LPCAT2: variants seen among roughly 807,000 people sequenced by gnomAD.
LPCAT2 encodes the protein lysophosphatidylcholine acyltransferase 2, also known as 1-AGP acyltransferase 11.
Under a neutral mutation model 64.7 loss-of-function variants are expected in LPCAT2, and 58 were observed. The ratio of observed to expected loss-of-function variants is 0.90; its 90% CI spans 0.73 to 1.12. The LOEUF is 1.12. LPCAT2 is among the 50% of genes most tolerant of loss of function. The probability of loss-of-function intolerance (pLI) is 0.00; values close to 1 mark genes in which losing one functional copy is unlikely to be tolerated. For missense variants in LPCAT2, 579 were observed against 669.8 expected, an observed-to-expected ratio of 0.86 and a Z score of 1.50; for synonymous variants, 252 against 245.3, an observed-to-expected ratio of 1.03 and a Z score of -0.26.
chr16:55,552,465 ATACT>A (rs1235685321), intron 11 of LPCAT2, among the ~76,000 whole-genome samples: 1 of 152,196 alleles, frequency 6.6e-6, no homozygotes, highest in African/African-American at 2.4e-5. Context: ...ACTTGGGTAA[ATACT>A]TAAGAGTAAG....
intron 5 of LPCAT2, 43 bp from the exon 6 acceptor site, chr16:55,532,770 CATAAAACTTTT>C: frequency 2.5e-6 from 3 of 1,199,714 alleles, no homozygotes; most frequent in Non-Finnish European, 3.7e-6. Flanking sequence ...TTCTCTTTAT[CATAAAACTTTT>C]ATTCACATAA....
Position 55,525,521 on chromosome 16 carries a change from G to T in LPCAT2, c.185G>T (p.Gly62Val). ...TTTGACTTTCAGATTGTCCTTCTTG[G>T]GATTATCTTGCTTCCAATTCGTGTC... is the stretch of plus-strand genomic sequence containing the variant. ...SARRVQIVLL[G>V]IILLPIRVLL... The change falls in exon 2 of 14, where the codon GGG (glycine) becomes GTG (valine). Residue 62 changes from glycine to valine, a missense_variant. Gly to Val is a moderately radical substitution (Grantham distance 109). Transcript: ENST00000262134. 1.2e-6 allele frequency: 2 copies of T among 1,601,954 alleles called. No homozygotes were observed. The highest frequency in any genetic ancestry group is 1.7e-6 in the Non-Finnish European group (2 of 1,174,534).
At chr16:55,556,315 G>C (rs1267657498) in intron 11 of LPCAT2, among the ~76,000 whole-genome samples, 1 of 152,142 alleles carries the variant, frequency 6.6e-6, no homozygotes, top group Non-Finnish European at 1.5e-5. Flanking sequence ...AACCAGGACA[G>C]GAGATAGGGA....
chr16:55,575,985 C>A (rs1328224690), intron 12 of LPCAT2, among the ~76,000 whole-genome samples: 1 of 152,098 alleles, frequency 6.6e-6, no homozygotes, highest in East Asian at 1.9e-4. Flanking sequence ...ATTTCTGTTT[C>A]TGTTTGGGGA....
At position 55,579,158 on chromosome 16, in the gene LPCAT2, C is replaced by A; in HGVS notation, c.1364C>A (p.Thr455Asn). Residue 455 changes from threonine to asparagine, a missense_variant, in exon 13 of 14, where the codon ACC (threonine) becomes AAC (asparagine). Thr to Asn is a moderately conservative substitution (Grantham distance 65, BLOSUM62 0). Coordinates refer to ENST00000262134, the MANE Select transcript of LPCAT2 (RefSeq NM_017839.5). ...DGYITEEEFS[T>N]ILQASLGVPD... ...TACATAACGGAGGAAGAGTTCTCCA[C>A]CATTCTACAGGCTTCCCTTGGAGTG... is the stretch of plus-strand genomic sequence containing the variant. The A allele has an allele frequency of 6.2e-7, 1 of 1,613,544 alleles. No homozygotes were observed. Among genetic ancestry groups the A allele is most frequent in the Non-Finnish European group, 8.5e-7 (1 of 1,179,644 alleles).
intron 10 of LPCAT2, 63 bp downstream of exon 10, chr16:55,549,465 T>C: frequency 7.0e-7 from 1 of 1,434,896 alleles, no homozygotes; most frequent in Non-Finnish European, 9.4e-7. Flanking sequence ...TGAAATCCTG[T>C]TTATTTTCTC....
chr16:55,555,894 A>C (rs1214265279), intron 11 of LPCAT2, among the ~76,000 whole-genome samples: 1 of 152,180 alleles, frequency 6.6e-6, no homozygotes, highest in African/African-American at 2.4e-5. Flanking sequence ...AGCTCACTGC[A>C]ACCTGTGCCT....
At chr16:55,545,867 G>C (rs763369638) in intron 9 of LPCAT2, 50 bp downstream of exon 9, 9 of 1,410,280 alleles carry the variant, frequency 6.4e-6, no homozygotes, top group Non-Finnish European at 8.9e-6. Context: ...AAAATTATTT[G>C]TGCATGTCGT....
chr16:55,544,940 A>C (rs1205546071), intron 8 of LPCAT2, among the ~76,000 whole-genome samples: 1 of 152,210 alleles, frequency 6.6e-6, no homozygotes, highest in Non-Finnish European at 1.5e-5. Flanking sequence ...GACACTTAGC[A>C]TATGGGGTTA....
rs1963937447 is a variant in LPCAT2 at position 55,585,726 on chromosome 16, A to G, written c.*2628A>G. On this transcript the variant is annotated 3_prime_UTR_variant, in exon 14 of 14. Coordinates refer to ENST00000262134, the MANE Select transcript of LPCAT2 (RefSeq NM_017839.5). ...TTGCCACTGCTTTTAGAGCCTTGGA[A>G]GGCTAAGTGTGATAGTAATGCTAGC... 6.6e-6 allele frequency: 1 copy of G among 152,164 alleles called. No homozygotes were observed. Among genetic ancestry groups the G allele is most frequent in the South Asian group, 2.1e-4 (1 of 4,832 alleles). The allele number at this position is 152,164 out of a possible 1,614,324, so 9.4% of individuals were successfully genotyped here.
At chr16:55,534,345 T>A in intron 6 of LPCAT2, 98 bp from the exon 7 acceptor site, 1 of 760,142 alleles carries the variant, frequency 1.3e-6, no homozygotes, top group South Asian at 1.5e-5. Context: ...GCTTTTAATT[T>A]CAGAAAAAAT....
At chr16:55,577,913 G>A (rs1291956489) in intron 12 of LPCAT2, among the ~76,000 whole-genome samples, 5 of 151,832 alleles carry the variant, frequency 3.3e-5, no homozygotes, top group South Asian at 2.1e-4. Flanking sequence ...TCTGGCTTCC[G>A]GTCCCCTGAA....
rs543247299 is a variant in LPCAT2 at position 55,542,163 on chromosome 16, ATAG to A, written c.853-3568_853-3566del. The stretch of plus-strand genomic sequence containing the variant: ...TGGCTTTGGTTGATGGATGTCTTAA[ATAG>A]TAGGCTGAAGAATTTTATATATTGC... On this transcript the variant is annotated intron_variant, in intron 8 of 13. Coordinates refer to ENST00000262134, the MANE Select transcript of LPCAT2 (RefSeq NM_017839.5). 216 of 274,404 alleles carry A rather than the reference ATAG, an allele frequency of 7.9e-4. 1 individual carries two copies. Among genetic ancestry groups the A allele is most frequent in the African/African-American group, 4.9e-3 (213 of 43,780 alleles). 17.0% of individuals were successfully genotyped at this position (274,404 alleles called of 1,614,324 possible).
At chr16:55,512,915 T>C (rs1334594676) in intron 1 of LPCAT2, among the ~76,000 whole-genome samples, 1 of 152,150 alleles carries the variant, frequency 6.6e-6, no homozygotes. Flanking sequence ...AAATTTTCCC[T>C]AAAAAAGTAT....
At chr16:55,552,698 A>G (rs1242692149) in intron 11 of LPCAT2, among the ~76,000 whole-genome samples, 1 of 152,222 alleles carries the variant, frequency 6.6e-6, no homozygotes, top group Admixed American at 6.5e-5. Context: ...ATGCAATAGC[A>G]TTATGTCTAA....
intron 12 of LPCAT2, 57 bp downstream of exon 12, chr16:55,574,786 T>A: frequency 8.2e-7 from 1 of 1,217,696 alleles, no homozygotes. Flanking sequence ...GTGTTGACTC[T>A]AAGTGTATTA....
At chr16:55,530,438 G>A (rs1220671415) in intron 4 of LPCAT2, among the ~76,000 whole-genome samples, 7 of 149,916 alleles carry the variant, frequency 4.7e-5, no homozygotes, top group African/African-American at 1.7e-4. Flanking sequence ...ATCACCTGTA[G>A]AACCTTTTTT....
At chr16:55,538,193 C>G (rs1963347869) in intron 8 of LPCAT2, 1 of 152,784 alleles carries the variant, frequency 6.5e-6, no homozygotes, top group African/African-American at 2.4e-5. Flanking sequence ...AAATTTTGAC[C>G]AGGTTTTTAA....
At chr16:55,563,306 T>A (rs1587629) in intron 11 of LPCAT2, among the ~76,000 whole-genome samples, 140,878 of 151,988 alleles carry the variant, frequency 0.93, 65,877 homozygotes, top group East Asian at 0.99. Flanking sequence ...TTGAAAGAAG[T>A]ACTAACACCA....
Sources: gnomAD v4.1 joint callset for allele counts (sites outside exome capture counted in the v4.1 genomes callset) on GRCh38, gnomAD v4.1.1 for gene constraint, MANE v1.5 for transcripts, NCBI Gene and HGNC (gene_info 2026-07-23, HGNC 2026-07-21) for gene names.